Variants in NEB observed in about 807,000 individuals in gnomAD.
The protein encoded by NEB is nebulin.
A neutral mutation model predicts 952.2 loss-of-function variants in NEB; 512 were observed. That is an observed-to-expected ratio of 0.54 (90% CI 0.50 to 0.58). NEB has a LOEUF of 0.58. Ranked by LOEUF, NEB falls within the 20% of genes least tolerant of loss-of-function variation. The probability of loss-of-function intolerance (pLI) is 0.00; values close to 1 mark genes in which losing one functional copy is unlikely to be tolerated. For synonymous variants in NEB, 2,900 were observed against 3,149.8 expected (o/e 0.92, Z 2.66); for missense variants, 8,428 against 9,231.1 (o/e 0.91, Z 3.56).
chr2:151,728,004 T>A, intron 4 of NEB, 98 bp from the exon 5 acceptor site: 1 of 912,530 alleles, frequency 1.1e-6, no homozygotes, highest in Non-Finnish European at 1.7e-6. Context: ...CAGATATACA[T>A]TCCTGGTGTT....
At position 151,671,245 on chromosome 2, in the gene NEB, C is replaced by G; in HGVS notation, c.4300-16G>C. On this transcript the variant is annotated splice_polypyrimidine_tract_variant and intron_variant, in intron 37 of 181. Coordinates refer to ENST00000397345, the MANE Select transcript of NEB (RefSeq NM_001164508.2). ...TATACACATTCTGTAAAAGGGTAAG[C>G]TAATATGAGAAGATACCCTGGAGAA... 1 of 1,591,442 alleles carries G rather than the reference C, an allele frequency of 6.3e-7. No homozygotes were observed. Among genetic ancestry groups the G allele is most frequent in the Non-Finnish European group, 8.6e-7 (1 of 1,161,026 alleles).
intron 181 of NEB, 96 bp from the exon 182 acceptor site, chr2:151,486,029 A>G (rs533303342): frequency 7.8e-7 from 1 of 1,285,504 alleles, no homozygotes; most frequent in South Asian, 1.3e-5. Flanking sequence ...TGACTCCACA[A>G]ACTTAAGTTG....
intron 117 of NEB, 69 bp from the exon 118 acceptor site, chr2:151,563,999 G>T: frequency 1.7e-6 from 2 of 1,172,018 alleles, no homozygotes; most frequent in Non-Finnish European, 2.5e-6. Flanking sequence ...TAAAACAATT[G>T]GTCTAATTAA....
intron 20 of NEB, 135 bp downstream of exon 20, chr2:151,694,188 C>G (rs1425756583): frequency 7.7e-6 from 6 of 780,742 alleles, no homozygotes; most frequent in Middle Eastern, 6.9e-4. Context: ...CCTTTAGCAC[C>G]TGGGTGAAGC....
intron 136 of NEB, 52 bp downstream of exon 136, chr2:151,541,395 T>C: frequency 2.1e-6 from 3 of 1,428,312 alleles, no homozygotes; most frequent in Non-Finnish European, 2.9e-6. Flanking sequence ...CAGGCACATA[T>C]AATCACCCCC....
In NEB at chr2:151,611,828, C is replaced by T. The variant is rs1410744912; in HGVS notation, c.11805+358G>A. Among the ~76,000 whole-genome samples the T allele has an allele frequency of 2.0e-5, 3 of 152,256 alleles. No individual in the cohort carries two copies. The East Asian group carries it at 5.8e-4, about 29-fold the overall frequency. ...AGCCCTCAGAATGAAGTGTAAATGG[C>T]TTATATTCCTTACCAGATGGCTAAA... On this transcript the variant is annotated intron_variant, in intron 78 of 181. Transcript: ENST00000397345.
At position 151,529,316 on chromosome 2, in the gene NEB, T is replaced by G; in HGVS notation, c.21631-2A>C. 6.3e-7 allele frequency: 1 copy of G among 1,585,202 alleles called. No homozygotes were observed. The highest frequency in any genetic ancestry group is 8.7e-7 in the Non-Finnish European group (1 of 1,153,668). On this transcript the variant is annotated splice_acceptor_variant, in intron 145 of 181. Transcript: ENST00000397345. LOFTEE classifies it high-confidence loss of function. ...TTGGTATACTTCTTTGTATTTCAGC[T>G]GTGGGAGGAAACACAGTGACAAGAT... is the stretch of plus-strand genomic sequence containing the variant.
chr2:151,516,416 G>A, intron 157 of NEB, 43 bp downstream of exon 157: 1 of 1,349,890 alleles, frequency 7.4e-7, no homozygotes, highest in Admixed American at 1.8e-5. Context: ...GTGTTCAGTA[G>A]TGTGATGGAT....
In NEB at chr2:151,552,795, C is replaced by A; in HGVS notation, c.19732-19G>T. On this transcript the variant is annotated intron_variant, in intron 127 of 181. Transcript: ENST00000397345. ...ACTTGATCTGCCGAGAGGAAGAAAA[C>A]AAGCCCATGTTGGACCATTCCTTAT... 6.3e-7 allele frequency: 1 copy of A among 1,580,512 alleles called. No homozygotes were observed. The highest frequency in any genetic ancestry group is 1.1e-5 in the South Asian group (1 of 88,886).
chr2:151,503,477 A>C, intron 165 of NEB, 36 bp from the exon 166 acceptor site: 1 of 1,421,054 alleles, frequency 7.0e-7, no homozygotes, highest in Non-Finnish European at 9.9e-7. Flanking sequence ...GAAAGGTAAA[A>C]TGACCGTAAA....
chr2:151,514,712 A>G lies in NEB; in HGVS notation c.23016+106T>C, dbSNP rs1240012559. 5 of 816,002 alleles carry G rather than the reference A, an allele frequency of 6.1e-6. No individual in the cohort carries two copies. In the Admixed American group the frequency reaches 1.4e-4, roughly 23 times the overall value. The allele number at this position is 816,002 out of a possible 1,614,324, so 50.5% of individuals were successfully genotyped here. The stretch of plus-strand genomic sequence containing the variant: ...CAAGCACATGAGAACCCAATTTGAA[A>G]CCCACAGTTAGGTGGTGATGTAAAT... On this transcript the variant is annotated intron_variant, in intron 158 of 181. Coordinates refer to ENST00000397345, the MANE Select transcript of NEB (RefSeq NM_001164508.2).
intron 161 of NEB, among the ~76,000 whole-genome samples, chr2:151,511,411 G>T (rs868482104): frequency 7.2e-5 from 11 of 152,030 alleles, no homozygotes; most frequent in Non-Finnish European, 1.3e-4. Context: ...TCCAGTAAAG[G>T]GTTGAAATCC....
chr2:151,698,166 A>C (rs946740403), intron 13 of NEB, among the ~76,000 whole-genome samples: 2 of 152,264 alleles, frequency 1.3e-5, no homozygotes, highest in Non-Finnish European at 2.9e-5. Flanking sequence ...AGCAATTATT[A>C]TAAGGCCTAA....
intron 173 of NEB, among the ~76,000 whole-genome samples, 159 bp from the exon 174 acceptor site, chr2:151,494,412 T>C (rs2058715391): frequency 6.6e-6 from 1 of 152,094 alleles, no homozygotes; most frequent in South Asian, 2.1e-4. Flanking sequence ...GGAAGTTAAG[T>C]GTAGTTACAG....
chr2:151,689,454 C>T (rs963683066), intron 24 of NEB: 3 of 152,158 alleles, frequency 2.0e-5, no homozygotes, highest in Admixed American at 6.5e-5. Context: ...ATCTGCCTGC[C>T]TCAGCCTCCC....
At chr2:151,675,536 G>T in intron 34 of NEB, 145 bp from the exon 35 acceptor site, 1 of 599,428 alleles carries the variant, frequency 1.7e-6, no homozygotes, top group Non-Finnish European at 2.9e-6. Flanking sequence ...AATAAAACAA[G>T]CATCTTATTA....
chr2:151,505,444 T>C, intron 165 of NEB, 34 bp downstream of exon 165: 1 of 1,560,706 alleles, frequency 6.4e-7, no homozygotes, highest in Non-Finnish European at 8.8e-7. Flanking sequence ...AGATGGCCAG[T>C]CACACAAATG....
chr2:151,640,469 C>T lies in NEB; in HGVS notation c.8571G>A (p.Lys2857=), dbSNP rs774580339. Residue 2857 remains lysine (K), a synonymous_variant, in exon 61 of 182, where the codon AAG becomes AAA. Transcript: ENST00000397345. ...VDMLGVVLAK[K]CQTLVSDVDY... ...CCACATCGCTGACTAAGGTCTGGCA[C>T]TTCTTGGCCAGCACCACCCCCAGCA... 5 of 1,613,844 alleles carry T rather than the reference C, an allele frequency of 3.1e-6. No homozygotes were observed. The highest frequency in any genetic ancestry group is 3.4e-6 in the Non-Finnish European group (4 of 1,179,884).
At chr2:151,522,084 G>T (rs923161031) in intron 153 of NEB, among the ~76,000 whole-genome samples, 5 of 152,184 alleles carry the variant, frequency 3.3e-5, no homozygotes, top group South Asian at 2.1e-4. Flanking sequence ...AGCCCCCGGG[G>T]TTTATAATCC....
Sources: gnomAD v4.1 joint callset for allele counts (sites outside exome capture counted in the v4.1 genomes callset) on GRCh38, gnomAD v4.1.1 for gene constraint, MANE v1.5 for transcripts, NCBI Gene and HGNC (gene_info 2026-07-23, HGNC 2026-07-21) for gene names.